TACR1: variants seen among roughly 807,000 people sequenced by gnomAD.
TACR1 encodes the protein substance-P receptor.
Under a neutral mutation model 35.8 loss-of-function variants are expected in TACR1, and 25 were observed. The ratio of observed to expected loss-of-function variants is 0.70; its 90% CI spans 0.51 to 0.98. The LOEUF is 0.98. TACR1 is among the 50% of genes least tolerant of loss of function. The pLI is 0.00. For missense variants in TACR1, 478 were observed against 522.9 expected (o/e 0.91, Z 0.84); for synonymous variants, 195 against 206.7 (o/e 0.94, Z 0.48).
intron 1 of TACR1, among the ~76,000 whole-genome samples, chr2:75,136,606 G>C (rs778337738): frequency 3.3e-5 from 5 of 152,090 alleles, no homozygotes; most frequent in Non-Finnish European, 7.3e-5. Context: ...TGTGATTCCT[G>C]CCTCATCTTA....
chr2:75,095,433 A>T (rs563919987), intron 2 of TACR1, among the ~76,000 whole-genome samples: 9 of 152,158 alleles, frequency 5.9e-5, no homozygotes, highest in Non-Finnish European at 1.3e-4. Context: ...GGACAACCTC[A>T]CAGAAGAGGT....
At chr2:75,084,828 A>G (rs1242021006) in intron 2 of TACR1, among the ~76,000 whole-genome samples, 2 of 151,470 alleles carry the variant, frequency 1.3e-5, no homozygotes, top group South Asian at 2.1e-4. Context: ...TTTCTTTTTT[A>G]TTAGTCTTGC....
intron 2 of TACR1, among the ~76,000 whole-genome samples, chr2:75,116,470 G>A (rs1673861112): frequency 6.6e-6 from 1 of 152,134 alleles, no homozygotes; most frequent in African/African-American, 2.4e-5. Context: ...CCAGTTTGGG[G>A]GGTATTAAGA....
At chr2:75,058,923 T>C (rs893649848) in intron 2 of TACR1, among the ~76,000 whole-genome samples, 1 of 152,236 alleles carries the variant, frequency 6.6e-6, no homozygotes, top group African/African-American at 2.4e-5. Context: ...GATAGGCTAA[T>C]TAAATAATAA....
chr2:75,160,618 A>G lies in TACR1; in HGVS notation c.389+37928T>C, dbSNP rs989767201. Reference sequence around the variant, plus strand: ...TCGGATTCAGCATCAGAACAGGTAAATTGCAAAAAAGCAAATTAGAAATGA... The same window carrying G: ...TCGGATTCAGCATCAGAACAGGTAAGTTGCAAAAAAGCAAATTAGAAATGA... On this transcript the variant is annotated intron_variant, in intron 1 of 4. Coordinates refer to ENST00000305249, the MANE Select transcript of TACR1 (RefSeq NM_001058.4). 2.0e-4 allele frequency among the ~76,000 whole-genome samples: 31 copies of G among 151,798 alleles called. 1 individual carries two copies. The highest frequency in any genetic ancestry group is 8.5e-4 in the Admixed American group (13 of 15,216).
At chr2:75,134,157 G>T (rs1398400628) in intron 1 of TACR1, among the ~76,000 whole-genome samples, 1 of 152,210 alleles carries the variant, frequency 6.6e-6, no homozygotes, top group Non-Finnish European at 1.5e-5. Flanking sequence ...AGCCCTTGGG[G>T]CTGCTCTGCC....
At chr2:75,076,832 C>CTT (rs1672989981) in intron 2 of TACR1, among the ~76,000 whole-genome samples, 1 of 152,098 alleles carries the variant, frequency 6.6e-6, no homozygotes, top group East Asian at 1.9e-4. Flanking sequence ...CCTGAGAACT[C>CTT]TAAGTTTTGG....
intron 1 of TACR1, among the ~76,000 whole-genome samples, chr2:75,166,937 G>A (rs1364564364): frequency 5.3e-5 from 8 of 152,148 alleles, no homozygotes; most frequent in Non-Finnish European, 1.0e-4. Context: ...TTTGCTTATG[G>A]TAGTTCTAAA....
intron 1 of TACR1, among the ~76,000 whole-genome samples, chr2:75,185,189 CTT>C (rs957597871): frequency 6.6e-6 from 1 of 151,708 alleles, no homozygotes; most frequent in Non-Finnish European, 1.5e-5. Flanking sequence ...ATAGGATAAA[CTT>C]ATATGGCATT....
chr2:75,049,820 A>G, intron 4 of TACR1, 97 bp from the exon 5 acceptor site: 1 of 1,316,512 alleles, frequency 7.6e-7, no homozygotes. Context: ...GACATACCCA[A>G]GCGTGATTCT....
intron 1 of TACR1, among the ~76,000 whole-genome samples, chr2:75,141,499 G>A (rs1390309662): frequency 6.6e-6 from 1 of 151,646 alleles, no homozygotes; most frequent in Non-Finnish European, 1.5e-5. Flanking sequence ...CTGTCTGGTT[G>A]GCTTAACCAC....
intron 2 of TACR1, among the ~76,000 whole-genome samples, chr2:75,074,922 C>T (rs1290685753): frequency 6.6e-6 from 1 of 152,198 alleles, no homozygotes; most frequent in Non-Finnish European, 1.5e-5. Flanking sequence ...AAAAGCCCCA[C>T]ATCTAGGGAA....
At chr2:75,070,550 C>A (rs1672858390) in intron 2 of TACR1, among the ~76,000 whole-genome samples, 1 of 152,214 alleles carries the variant, frequency 6.6e-6, no homozygotes, top group Non-Finnish European at 1.5e-5. Context: ...GGTCACACAG[C>A]AGACCTCGAA....
intron 1 of TACR1, among the ~76,000 whole-genome samples, chr2:75,177,370 G>C (rs1307986945): frequency 6.6e-6 from 1 of 152,060 alleles, no homozygotes; most frequent in Non-Finnish European, 1.5e-5. Flanking sequence ...TCAGTTTCTT[G>C]TCGTCCTCAC....
At position 75,063,532 on chromosome 2, in the gene TACR1, A is replaced by G. The variant is rs531657405; in HGVS notation, c.585-9777T>C. ...CTCCAACATTGCTTACACTTTTCCC[A>G]GGACCACTTATTGGATACTCTATCC... On this transcript the variant is annotated intron_variant, in intron 2 of 4. Transcript: ENST00000305249. 4.6e-5 allele frequency among the ~76,000 whole-genome samples: 7 copies of G among 152,348 alleles called. No homozygotes were observed. The South Asian group carries it at 6.2e-4, about 14-fold the overall frequency.
At chr2:75,070,637 TG>T (rs1348826064) in intron 2 of TACR1, among the ~76,000 whole-genome samples, 2 of 152,272 alleles carry the variant, frequency 1.3e-5, no homozygotes, top group African/African-American at 4.8e-5. Context: ...GTTTCTCCTG[TG>T]TGTCTCTGGG....
chr2:75,184,811 T>C (rs192511828), intron 1 of TACR1, among the ~76,000 whole-genome samples: 15 of 151,818 alleles, frequency 9.9e-5, no homozygotes, highest in African/African-American at 3.6e-4. Context: ...GTGTGGGATC[T>C]ATAGAAGAAA....
Position 75,070,199 on chromosome 2 carries a change from C to T in TACR1, c.585-16444G>A, listed in dbSNP as rs141904992. Among the ~76,000 whole-genome samples the T allele has an allele frequency of 3.6e-4, 55 of 151,626 alleles. No individual in the cohort carries two copies. In the East Asian group the frequency reaches 9.3e-3, roughly 26 times the overall value. The stretch of plus-strand genomic sequence containing the variant: ...GACATTAGAAGCCCATTCAATTGAC[C>T]TACCCCCAACATTGTATGTATGTGT... On this transcript the variant is annotated intron_variant, in intron 2 of 4. Transcript: ENST00000305249.
chr2:75,177,386 A>G (rs1675450290), intron 1 of TACR1, among the ~76,000 whole-genome samples: 1 of 152,124 alleles, frequency 6.6e-6, no homozygotes, highest in Admixed American at 6.5e-5. Context: ...CTCACTTCCA[A>G]TATAGTTTTC....
Sources: allele counts gnomAD v4.1 joint callset (sites outside exome capture counted in the v4.1 genomes callset), GRCh38; gene constraint gnomAD v4.1.1; transcripts MANE v1.5; gene names NCBI Gene and HGNC (gene_info 2026-07-23, HGNC 2026-07-21).